FMN2: variants seen among roughly 807,000 people sequenced by gnomAD.
FMN2 encodes formin-2.
In FMN2, 51 loss-of-function variants were observed where a neutral mutation model predicts 142.3. That is an observed-to-expected ratio of 0.36 (90% CI 0.29 to 0.45). FMN2 has a LOEUF of 0.45. FMN2 is among the 20% of genes least tolerant of loss of function. FMN2 has a pLI of 1.00. For missense variants in FMN2, 1,936 were observed against 2,122.8 expected, an observed-to-expected ratio of 0.91 and a Z score of 1.73; for synonymous variants, 882 against 869.8, an observed-to-expected ratio of 1.01 and a Z score of -0.25.
At chr1:240,256,964 A>G (rs538342828) in intron 6 of FMN2, among the ~76,000 whole-genome samples, 1 of 152,240 alleles carries the variant, frequency 6.6e-6, no homozygotes, top group Non-Finnish European at 1.5e-5. Context: ...AACTTAAACC[A>G]TAAGGGAAGA....
intron 14 of FMN2, among the ~76,000 whole-genome samples, chr1:240,390,055 A>G (rs1262725749): frequency 1.3e-5 from 2 of 152,194 alleles, no homozygotes; most frequent in Non-Finnish European, 2.9e-5. Context: ...ATTGCACCCC[A>G]ATTTTTCAGA....
At chr1:240,166,166 TATAA>T (rs748794272) in intron 2 of FMN2, among the ~76,000 whole-genome samples, 8 of 149,284 alleles carry the variant, frequency 5.4e-5, no homozygotes, top group East Asian at 1.9e-4. Context: ...AATATATATA[TATAA>T]ATAAACGTTA....
intron 7 of FMN2, among the ~76,000 whole-genome samples, chr1:240,276,757 C>A (rs1572145906): frequency 6.6e-6 from 1 of 152,058 alleles, no homozygotes; most frequent in African/African-American, 2.4e-5. Flanking sequence ...TTATATACTG[C>A]TTGAATCTAC....
intron 1 of FMN2, among the ~76,000 whole-genome samples, chr1:240,111,967 C>T (rs1182588726): frequency 6.6e-6 from 1 of 152,084 alleles, no homozygotes; most frequent in East Asian, 1.9e-4. Context: ...ACTTTCCATC[C>T]TATAAAAGAA....
intron 16 of FMN2, among the ~76,000 whole-genome samples, chr1:240,449,639 G>A (rs1675936533): frequency 6.6e-6 from 1 of 152,138 alleles, no homozygotes; most frequent in Admixed American, 6.5e-5. Context: ...CAATCATCAT[G>A]GCAAATTAGG....
At chr1:240,429,377 C>G (rs887710811) in intron 15 of FMN2, among the ~76,000 whole-genome samples, 6 of 152,130 alleles carry the variant, frequency 3.9e-5, no homozygotes, top group Non-Finnish European at 1.5e-5. Flanking sequence ...CATTTGCAAT[C>G]TCCTGTATTC....
At chr1:240,160,471 TTATA>T (rs1664232143) in intron 2 of FMN2, among the ~76,000 whole-genome samples, 1 of 149,182 alleles carries the variant, frequency 6.7e-6, no homozygotes, top group Non-Finnish European at 1.5e-5. Flanking sequence ...TATATATACA[TTATA>T]TATAATGTAT....
At chr1:240,308,241 G>A (rs1572177902) in intron 8 of FMN2, among the ~76,000 whole-genome samples, 1 of 152,182 alleles carries the variant, frequency 6.6e-6, no homozygotes, top group Non-Finnish European at 1.5e-5. Flanking sequence ...AGCCCACACA[G>A]CTGAAATGGC....
At chr1:240,351,829 G>C (rs1672106327) in intron 13 of FMN2, among the ~76,000 whole-genome samples, 1 of 152,056 alleles carries the variant, frequency 6.6e-6, no homozygotes. Flanking sequence ...GTGTTAGCGT[G>C]TTCATACAGG....
chr1:240,404,823 A>C (rs1674095477), intron 15 of FMN2, among the ~76,000 whole-genome samples: 1 of 152,194 alleles, frequency 6.6e-6, no homozygotes, highest in African/African-American at 2.4e-5. Flanking sequence ...TGAGGTGGAG[A>C]TCGCTCCTGA....
At chr1:240,114,922 C>T (rs1295057670) in intron 1 of FMN2, among the ~76,000 whole-genome samples, 4 of 152,248 alleles carry the variant, frequency 2.6e-5, no homozygotes, top group Non-Finnish European at 4.4e-5. Context: ...TCCCAAAGTG[C>T]TGGGATTACA....
At chr1:240,455,426 G>A (rs559980309) in intron 16 of FMN2, among the ~76,000 whole-genome samples, 2 of 152,210 alleles carry the variant, frequency 1.3e-5, no homozygotes, top group African/African-American at 4.8e-5. Flanking sequence ...CACTACAATT[G>A]AGATAACAAT....
At chr1:240,341,988 G>A (rs1180221001) in intron 13 of FMN2, among the ~76,000 whole-genome samples, 1 of 152,118 alleles carries the variant, frequency 6.6e-6, no homozygotes, top group African/African-American at 2.4e-5. Flanking sequence ...ACCACTCTGG[G>A]TTTCCAGTAG....
intron 2 of FMN2, among the ~76,000 whole-genome samples, chr1:240,177,125 A>G (rs940119019): frequency 1.3e-5 from 2 of 152,196 alleles, no homozygotes; most frequent in Non-Finnish European, 2.9e-5. Flanking sequence ...TGTCACAAAT[A>G]TAGGGCATGC....
chr1:240,158,181 G>A (rs1452540288), intron 2 of FMN2, among the ~76,000 whole-genome samples: 17 of 151,934 alleles, frequency 1.1e-4, no homozygotes, highest in African/African-American at 3.6e-4. Flanking sequence ...TAATCCAGCC[G>A]GAATGCCAAG....
rs1186727331 is a variant in FMN2 at position 240,271,126 on chromosome 1, G to C, written c.4153+13094G>C. On this transcript the variant is annotated intron_variant, in intron 7 of 17. Coordinates refer to ENST00000319653, the MANE Select transcript of FMN2 (RefSeq NM_020066.5). ...TTTTTTTTTTTTTTTTTGTGACTCT[G>C]TTTGCATGTATTTGGATAGCCTACA... is the stretch of plus-strand genomic sequence containing the variant. 6.2e-5 allele frequency among the ~76,000 whole-genome samples: 3 copies of C among 48,636 alleles called. No individual in the cohort carries two copies. In the East Asian group the frequency reaches 2.1e-3, roughly 34 times the overall value. 31.9% of individuals were successfully genotyped at this position (48,636 alleles called of 152,430 possible). A position where few individuals can be genotyped will look rare whatever the true frequency, so the allele number is the denominator to read the frequency against.
At chr1:240,351,563 C>T (rs1672097951) in intron 13 of FMN2, among the ~76,000 whole-genome samples, 1 of 152,146 alleles carries the variant, frequency 6.6e-6, no homozygotes, top group Admixed American at 6.5e-5. Flanking sequence ...AAATACAGTT[C>T]ATATGAATGG....
chr1:240,243,886 A>G (rs368382154), intron 6 of FMN2, among the ~76,000 whole-genome samples: 4 of 152,242 alleles, frequency 2.6e-5, no homozygotes, highest in Admixed American at 6.5e-5. Flanking sequence ...TCTCTTGTTC[A>G]CTTTGGATTT....
chr1:240,470,372 T>C (rs9727156), intron 16 of FMN2, among the ~76,000 whole-genome samples: 98,592 of 152,074 alleles, frequency 0.65, 32,427 homozygotes, highest in African/African-American at 0.76. Context: ...AGGCAATTTA[T>C]GGCTTGGGTG....
Sources: allele counts gnomAD v4.1 joint callset (sites outside exome capture counted in the v4.1 genomes callset), GRCh38; gene constraint gnomAD v4.1.1; transcripts MANE v1.5; gene names NCBI Gene and HGNC (gene_info 2026-07-23, HGNC 2026-07-21).